The following C6orf132 variants were observed in gnomAD, a reference collection of about 807,000 sequenced individuals.
The protein encoded by C6orf132 is uncharacterized protein C6orf132.
A neutral mutation model predicts 65.3 loss-of-function variants in C6orf132; 43 were observed. The ratio of observed to expected loss-of-function variants is 0.66; its 90% CI spans 0.52 to 0.85. The LOEUF (loss-of-function observed/expected upper bound fraction) is 0.85. Ranked by LOEUF, C6orf132 falls within the 40% of genes least tolerant of loss-of-function variation. The probability of loss-of-function intolerance (pLI) is 0.00; values close to 1 mark genes in which losing one functional copy is unlikely to be tolerated. For missense variants in C6orf132, 1,488 were observed against 1,548.8 expected, an observed-to-expected ratio of 0.96 and a Z score of 0.66; for synonymous variants, 631 against 654.1, an observed-to-expected ratio of 0.96 and a Z score of 0.54.
chr6:42,114,929 C>G, intron 2 of C6orf132, among the ~76,000 whole-genome samples: 1 of 151,810 alleles, frequency 6.6e-6, no homozygotes, highest in Non-Finnish European at 1.5e-5. Flanking sequence ...TTGCTTGAAC[C>G]CAGGAGACAG....
At position 42,107,309 on chromosome 6, in the gene C6orf132, G is replaced by A. The variant is rs1766428614; in HGVS notation, c.603C>T (p.His201=). Residue 201 remains histidine (H), a synonymous_variant, in exon 4 of 5, where the codon CAC becomes CAT. Transcript: ENST00000341865. ...TGGGTATGGATGGGGAGGAAAGAGT[G>A]TGTGGTGGGGATAGGGCCTCCAATA... The part of the protein sequence containing the change: ...PPVLEALSPP[H]TLSSPSIPTP... 18 of 1,372,914 alleles carry A rather than the reference G, an allele frequency of 1.3e-5. No individual in the cohort carries two copies. Among genetic ancestry groups the A allele is most frequent in the Non-Finnish European group, 1.6e-5 (17 of 1,047,486 alleles). 85.0% of individuals were successfully genotyped at this position (1,372,914 alleles called of 1,614,324 possible).
Position 42,106,262 on chromosome 6 carries a change from A to C in C6orf132, c.1650T>G (p.Ser550=), listed in dbSNP as rs1444644654. Reference sequence around the variant, plus strand: ...GAGAGTCTTGGGGAATGTAGTCCACAGAGGGCAGGGTCAGGCTGGGGGCAG... The same window carrying C: ...GAGAGTCTTGGGGAATGTAGTCCACCGAGGGCAGGGTCAGGCTGGGGGCAG... ...TEAAPSLTLP[S]VDYIPQDSPT... is the part of the protein sequence containing the mutation. The change falls in exon 4 of 5, where the codon TCT becomes TCG. Residue 550 remains serine (S), a synonymous_variant. Transcript: ENST00000341865. 14 of 1,537,100 alleles carry C rather than the reference A, an allele frequency of 9.1e-6. 1 individual carries two copies. The African/African-American group carries it at 1.4e-4, about 15-fold the overall frequency.
chr6:42,137,027 C>T (rs572187753), intron 1 of C6orf132, among the ~76,000 whole-genome samples: 57 of 152,262 alleles, frequency 3.7e-4, no homozygotes, highest in Admixed American at 3.3e-4. Context: ...CCGAAACTAC[C>T]GAAACAAATC....
chr6:42,135,360 C>T (rs920989934), intron 1 of C6orf132, among the ~76,000 whole-genome samples: 2 of 152,182 alleles, frequency 1.3e-5, no homozygotes, highest in Non-Finnish European at 1.5e-5. Flanking sequence ...CCCTGCCTCT[C>T]CCCAACAGGC....
intron 1 of C6orf132, among the ~76,000 whole-genome samples, chr6:42,132,654 C>T (rs561971425): frequency 3.3e-5 from 5 of 151,920 alleles, no homozygotes; most frequent in African/African-American, 1.2e-4. Flanking sequence ...TCAAGACCAG[C>T]CTGGCCAATA....
At chr6:42,123,423 AAAGGAG>A (rs758379147) in intron 2 of C6orf132, among the ~76,000 whole-genome samples, 13 of 145,688 alleles carry the variant, frequency 8.9e-5, no homozygotes, top group East Asian at 2.0e-4. Context: ...AAGAAAGAAG[AAAGGAG>A]AAGGAGAAGG....
chr6:42,133,008 T>A (rs1223768849), intron 1 of C6orf132, among the ~76,000 whole-genome samples: 2 of 152,218 alleles, frequency 1.3e-5, no homozygotes, highest in Non-Finnish European at 1.5e-5. Flanking sequence ...ATCAGCTAGA[T>A]CCTCAAAGCA....
At chr6:42,128,987 C>G (rs1371263760) in intron 1 of C6orf132, among the ~76,000 whole-genome samples, 6 of 152,218 alleles carry the variant, frequency 3.9e-5, no homozygotes, top group African/African-American at 1.4e-4. Context: ...GGGTGAGGGA[C>G]TCGGTGTTCG....
chr6:42,117,870 GCCA>G (rs2127475853), intron 2 of C6orf132, among the ~76,000 whole-genome samples: 1 of 134,466 alleles, frequency 7.4e-6, no homozygotes, highest in Admixed American at 8.5e-5. Flanking sequence ...ATTGCAGTGA[GCCA>G]AGATTGTGCC....
intron 1 of C6orf132, 99 bp downstream of exon 1, chr6:42,142,201 C>T (rs981492225): frequency 9.6e-6 from 13 of 1,353,126 alleles, no homozygotes; most frequent in Middle Eastern, 5.2e-4. Context: ...CAGGTTCCAA[C>T]GTGTCCCTCC....
In C6orf132 at chr6:42,105,072, T is replaced by C. The variant is rs911585892; in HGVS notation, c.2840A>G (p.Glu947Gly). 11 of 1,536,614 alleles carry C rather than the reference T, an allele frequency of 7.2e-6. No individual in the cohort carries two copies. In the African/African-American group the frequency reaches 1.5e-4, roughly 21 times the overall value. Residue 947 changes from glutamate (E) to glycine (G), a missense_variant, in exon 4 of 5, where the codon GAA becomes GGA. Transcript: ENST00000341865. The stretch of plus-strand genomic sequence containing the variant: ...GGGGAGGTTGGAGGGAGCTACTCTT[T>C]CCCAGGCCACAGGGGCCTGGGGCTC... ...KPEPQAPVAW[E>G]RVAPSNLPQG...
At chr6:42,116,679 G>A (rs1001806186) in intron 2 of C6orf132, among the ~76,000 whole-genome samples, 7 of 152,152 alleles carry the variant, frequency 4.6e-5, no homozygotes, top group Non-Finnish European at 8.8e-5. Context: ...CATGGCCTGT[G>A]AGAACTTTCA....
At chr6:42,133,542 C>T (rs1038671386) in intron 1 of C6orf132, among the ~76,000 whole-genome samples, 1 of 152,156 alleles carries the variant, frequency 6.6e-6, no homozygotes, top group African/African-American at 2.4e-5. Flanking sequence ...GCAATTCCAG[C>T]AGCCAGGAAG....
chr6:42,140,510 G>A (rs1216455491), intron 1 of C6orf132, among the ~76,000 whole-genome samples: 1 of 152,220 alleles, frequency 6.6e-6, no homozygotes, highest in East Asian at 1.9e-4. Context: ...GATCTCTGGA[G>A]CCTGACTGCC....
rs758191380 is a variant in C6orf132 at position 42,104,386 on chromosome 6, G to C, written c.3449+77C>G. The C allele has an allele frequency of 4.9e-6, 6 of 1,226,122 alleles. No individual in the cohort carries two copies. In the African/African-American group the frequency reaches 9.4e-5, roughly 19 times the overall value. The allele number at this position is 1,226,122 out of a possible 1,614,324, so 76.0% of individuals were successfully genotyped here. A position where few individuals can be genotyped will look rare whatever the true frequency, so the allele number is the denominator to read the frequency against. On this transcript the variant is annotated intron_variant, in intron 4 of 4. Transcript: ENST00000341865. The surrounding 1 kb of genome is among the most constrained non-coding windows in gnomAD (Gnocchi z 4.1). ...GAAAACCAAATGTTTTCTCTTGACG[G>C]ATGGCCGGGACTCCTTGGCCCTCGC...
At chr6:42,116,234 A>T (rs1329817411) in intron 2 of C6orf132, among the ~76,000 whole-genome samples, 1 of 152,056 alleles carries the variant, frequency 6.6e-6, no homozygotes, top group Non-Finnish European at 1.5e-5. Flanking sequence ...AGCCTCTTTC[A>T]GCACTTTCTA....
intron 2 of C6orf132, among the ~76,000 whole-genome samples, chr6:42,114,071 G>A (rs9462770): frequency 0.011 from 1,671 of 152,214 alleles, 27 homozygotes; most frequent in African/African-American, 0.038. Context: ...GGAGGAAGAC[G>A]GATAGACTTT....
chr6:42,124,553 T>A lies in C6orf132; in HGVS notation c.252+4119A>T, dbSNP rs945660717. ...TGGGCAGCCTGGCCTGGGAGGTGCC[T>A]CTGAATGTGGGAAGGGAGGACAGGG... is the stretch of plus-strand genomic sequence containing the variant. On this transcript the variant is annotated intron_variant, in intron 2 of 4. Transcript: ENST00000341865. This position sits in a 1 kb window ranked among gnomAD's most constrained non-coding sequence, Gnocchi z 4.0. 1.3e-5 allele frequency among the ~76,000 whole-genome samples: 2 copies of A among 152,030 alleles called. No homozygotes were observed. Among genetic ancestry groups the A allele is most frequent in the Non-Finnish European group, 2.9e-5 (2 of 67,992 alleles).
intron 2 of C6orf132, among the ~76,000 whole-genome samples, chr6:42,115,641 G>A (rs1337943815): frequency 2.6e-5 from 4 of 151,894 alleles, no homozygotes; most frequent in Admixed American, 6.6e-5. Context: ...GCGAGACTCC[G>A]TCTCAAAAAA....
Sources: allele counts gnomAD v4.1 joint callset (sites outside exome capture counted in the v4.1 genomes callset), GRCh38; gene constraint gnomAD v4.1.1; non-coding constraint Gnocchi (gnomAD v3.1); transcripts MANE v1.5; gene names NCBI Gene and HGNC (gene_info 2026-07-23, HGNC 2026-07-21).